The following RP1 variants were observed in gnomAD, a reference collection of about 807,000 sequenced individuals.
RP1 encodes RP1 axonemal microtubule associated.
A neutral mutation model predicts 14.8 loss-of-function variants in RP1; 16 were observed. The ratio of observed to expected loss-of-function variants is 1.08; its 90% confidence interval spans 0.73 to 1.65. The LOEUF (loss-of-function observed/expected upper bound fraction) is 1.65, where lower values mean the gene tolerates loss of function less well. RP1 is among the 40% of genes most tolerant of loss of function. RP1 has a pLI of 0.00. For synonymous variants in RP1, 876 were observed against 883.6 expected, an observed-to-expected ratio of 0.99 and a Z score of 0.15; for missense variants, 2,631 against 2,535.0, an observed-to-expected ratio of 1.04 and a Z score of -0.81.
Position 54,626,432 on chromosome 8 carries a change from G to A in RP1, c.2550G>A (p.Met850Ile). ...AEVASGYLRG[M>I]AKKSLVSKVT... ...TGGCATCTGGGTATTTGAGAGGAAT[G>A]GCAAAGAAGAGTTTAGTTTCAAAAG... is the stretch of plus-strand genomic sequence containing the variant. Residue 850 changes from methionine to isoleucine, a missense_variant, in exon 4 of 4, where the codon ATG (methionine) becomes ATA (isoleucine). By Grantham distance (10) the Met-to-Ile change is conservative (BLOSUM62 1). Coordinates refer to ENST00000220676, the MANE Select transcript of RP1 (RefSeq NM_006269.2). 2 of 1,613,650 alleles carry A rather than the reference G, an allele frequency of 1.2e-6. No individual in the cohort carries two copies. Among genetic ancestry groups the A allele is most frequent in the Non-Finnish European group, 1.7e-6 (2 of 1,179,852 alleles).
In RP1 at chr8:54,564,752, T is replaced by C. The variant is rs552910874; in HGVS notation, c.-13+5432T>C. Among the ~76,000 whole-genome samples, 286 of 152,264 alleles carry C rather than the reference T, an allele frequency of 1.9e-3. 1 individual carries two copies. The highest frequency in any genetic ancestry group is 6.4e-3 in the African/African-American group (265 of 41,558). ...GGACTTAGAGACCCAGCACACCTGA[T>C]TGATTCCTTGTGGTGGGAGATGTGA... is the stretch of plus-strand genomic sequence containing the variant. On this transcript the variant is annotated intron_variant, in intron 1 of 22. Transcript: ENST00000636932.
chr8:54,750,670 C>CAG (rs1585660331), intron 19 of RP1, among the ~76,000 whole-genome samples: 2 of 152,230 alleles, frequency 1.3e-5, no homozygotes, highest in Non-Finnish European at 2.9e-5. Context: ...AATTAGTGCT[C>CAG]TGTAGCTAGC....
chr8:54,681,928 T>G (rs997332399), intron 12 of RP1, among the ~76,000 whole-genome samples: 4 of 152,214 alleles, frequency 2.6e-5, no homozygotes, highest in African/African-American at 9.6e-5. Flanking sequence ...CACATTTTCT[T>G]TATCCAGTCT....
chr8:54,635,013 C>T (rs1046939156), downstream of RP1, among the ~76,000 whole-genome samples: 97 of 150,426 alleles, frequency 6.4e-4, no homozygotes, highest in South Asian at 2.1e-4. Flanking sequence ...ACCCAGGAGG[C>T]GGAGCTTGCA....
intron 17 of RP1, among the ~76,000 whole-genome samples, chr8:54,729,548 A>G (rs1808740693): frequency 6.6e-6 from 1 of 152,144 alleles, no homozygotes; most frequent in East Asian, 1.9e-4. Flanking sequence ...AAAAAGTAGA[A>G]CACATCAAGC....
chr8:54,777,148 T>C (rs931535037), intron 23 of RP1, among the ~76,000 whole-genome samples: 5 of 152,220 alleles, frequency 3.3e-5, no homozygotes, highest in Non-Finnish European at 7.3e-5. Context: ...ATAATATCCA[T>C]AAAGCACCTT....
At chr8:54,635,705 C>T (rs1014484127), downstream of RP1, among the ~76,000 whole-genome samples, 1 of 152,060 alleles carries the variant, frequency 6.6e-6, no homozygotes, top group African/African-American at 2.4e-5. Flanking sequence ...CTTATTTGTT[C>T]CTCACTTCTT....
At position 54,734,853 on chromosome 8, in the gene RP1, T is replaced by C. The variant is rs940019764; in HGVS notation, c.2721+109T>C. 55 of 895,348 alleles carry C rather than the reference T, an allele frequency of 6.1e-5. 1 individual carries two copies. The Admixed American group carries it at 1.3e-3, about 22-fold the overall frequency. 55.5% of individuals were successfully genotyped at this position (895,348 alleles called of 1,614,324 possible). On this transcript the variant is annotated intron_variant, in intron 18 of 22. Coordinates refer to the RP1 transcript ENST00000636932. ...GTGTCTCCTATATAAAATGAACCTC[T>C]GGTCTTTTAGAATGCCTGTAAGTTA...
At chr8:54,804,042 TG>T in intron 24 of RP1, among the ~76,000 whole-genome samples, 1 of 151,856 alleles carries the variant, frequency 6.6e-6, no homozygotes, top group Admixed American at 6.6e-5. Context: ...CACTCCAGCC[TG>T]GGCAACAGAG....
intron 27 of RP1, among the ~76,000 whole-genome samples, chr8:54,858,766 A>G (rs545760227): frequency 6.6e-6 from 1 of 151,856 alleles, no homozygotes; most frequent in East Asian, 2.0e-4. Flanking sequence ...GTTACTATAG[A>G]GTGATGTCAC....
chr8:54,609,407 T>C (rs433622), intron 1 of RP1, among the ~76,000 whole-genome samples: 52,417 of 152,018 alleles, frequency 0.34, 9,611 homozygotes, highest in Middle Eastern at 0.49. Flanking sequence ...TGAGCCATGA[T>C]TGTGTCTCTG....
intron 12 of RP1, among the ~76,000 whole-genome samples, chr8:54,682,957 T>C (rs1346232291): frequency 6.6e-6 from 1 of 152,234 alleles, no homozygotes; most frequent in African/African-American, 2.4e-5. Context: ...CTTTAATTCA[T>C]CTTGAGTTAA....
intron 19 of RP1, among the ~76,000 whole-genome samples, chr8:54,744,540 C>T (rs1395949852): frequency 1.3e-5 from 2 of 152,140 alleles, no homozygotes; most frequent in Admixed American, 1.3e-4. Context: ...AGACACAAGC[C>T]GTTTGACCTT....
At chr8:54,673,736 T>C (rs992551992) in intron 7 of RP1, 4 of 838,336 alleles carry the variant, frequency 4.8e-6, no homozygotes, top group Non-Finnish European at 7.3e-6. Context: ...GGAGAGCCTG[T>C]CTCAAAACAA....
chr8:54,759,353 A>T (rs1184573182), intron 22 of RP1, among the ~76,000 whole-genome samples: 2 of 152,232 alleles, frequency 1.3e-5, no homozygotes. Flanking sequence ...AAATTATTAC[A>T]TAAATAGTGA....
chr8:54,631,284 T>TA (rs888992712), downstream of RP1, among the ~76,000 whole-genome samples: 4 of 152,148 alleles, frequency 2.6e-5, no homozygotes, highest in East Asian at 1.9e-4. Flanking sequence ...GTATGCTTTT[T>TA]AAAAAAACAT....
At position 54,731,136 on chromosome 8, in the gene RP1, T is replaced by A. The variant is rs72650354; in HGVS notation, c.2522-3409T>A. ...CCTTAACTTTAATCAACCCATGAAC[T>A]ATTAGAATCAGCTAGTTTATTACTT... On this transcript the variant is annotated intron_variant, in intron 17 of 22. Coordinates refer to the RP1 transcript ENST00000636932. Among the ~76,000 whole-genome samples, 740 of 152,318 alleles carry A rather than the reference T, an allele frequency of 4.9e-3. 9 individuals carry two copies. Among genetic ancestry groups the A allele is most frequent in the South Asian group, 0.04 (192 of 4,830 alleles).
intron 1 of RP1, among the ~76,000 whole-genome samples, chr8:54,601,946 T>C (rs1009029059): frequency 5.3e-5 from 8 of 152,290 alleles, no homozygotes; most frequent in Non-Finnish European, 8.8e-5. Context: ...GTGGGATAGG[T>C]ACAGTTTCTT....
chr8:54,716,044 G>C (rs927945413), intron 15 of RP1, among the ~76,000 whole-genome samples: 5 of 152,190 alleles, frequency 3.3e-5, no homozygotes, highest in Admixed American at 1.3e-4. Flanking sequence ...TACGTTATCT[G>C]TTCTAAGTTT....
Sources: allele counts gnomAD v4.1 joint callset (sites outside exome capture counted in the v4.1 genomes callset), GRCh38; gene constraint gnomAD v4.1.1; transcripts MANE v1.5; gene names NCBI Gene and HGNC (gene_info 2026-07-23, HGNC 2026-07-21).